The following BAHCC1 variants were observed in gnomAD, a reference collection of about 807,000 sequenced individuals.
BAHCC1 encodes BAH domain and coiled-coil containing 1.
A neutral mutation model predicts 88.2 loss-of-function variants in BAHCC1; 43 were observed. That is an observed-to-expected ratio of 0.49 (90% confidence interval 0.38 to 0.63). The LOEUF is 0.63. Ranked by LOEUF, BAHCC1 falls within the 20% of genes least tolerant of loss-of-function variation. The probability of loss-of-function intolerance (pLI) is 0.00; values close to 1 mark genes in which losing one functional copy is unlikely to be tolerated. For missense variants in BAHCC1, 3,023 were observed against 1,654.8 expected (o/e 1.83, Z -14.34); for synonymous variants, 1,510 against 745.5 (o/e 2.03, Z -16.71).
chr17:81,397,802 C>G (rs2063761790), intron 1 of BAHCC1, among the ~76,000 whole-genome samples: 1 of 152,210 alleles, frequency 6.6e-6, no homozygotes, highest in Non-Finnish European at 1.5e-5. Context: ...GGAAGGGAGC[C>G]CCAAACGCCT....
rs782620463 is a variant in BAHCC1 at position 81,442,704 on chromosome 17, G to A, written c.1355G>A (p.Arg452Gln). ...CTGAAGGCCGAGGGCAAGGGCGAGC[G>A]GCGGCCTGGGGGCTTTGAGGCGGCC... ...AHLKAEGKGERRPGGFEAALN... is the reference protein window; with the variant it reads ...AHLKAEGKGEQRPGGFEAALN... The change falls in exon 5 of 28, where the codon CGG (arginine) becomes CAG (glutamine). Residue 452 changes from arginine to glutamine, a missense_variant. Transcript: ENST00000675386. The A allele has an allele frequency of 3.9e-6, 3 of 774,450 alleles. No homozygotes were observed. The highest frequency in any genetic ancestry group is 3.4e-5 in the Admixed American group (2 of 58,192). The allele number at this position is 774,450 out of a possible 1,614,324, so 48.0% of individuals were successfully genotyped here. A position where few individuals can be genotyped will look rare whatever the true frequency, so the allele number is the denominator to read the frequency against.
intron 11 of BAHCC1, 127 bp from the exon 12 acceptor site, chr17:81,451,541 C>T (rs1445427159): frequency 2.0e-5 from 12 of 609,438 alleles, no homozygotes; most frequent in African/African-American, 1.1e-4. Context: ...TCACTCTTCC[C>T]GGTCTCCTGA....
At chr17:81,452,159 CG>C in intron 13 of BAHCC1, 52 bp downstream of exon 13, 1 of 230,170 alleles carries the variant, frequency 4.3e-6, no homozygotes, top group Non-Finnish European at 8.1e-6. Flanking sequence ...CCCCCACCCC[CG>C]GGAGGCGCCC....
chr17:81,398,615 A>C (rs1002558177), intron 1 of BAHCC1, among the ~76,000 whole-genome samples: 19 of 149,836 alleles, frequency 1.3e-4, no homozygotes, highest in East Asian at 3.9e-4. Context: ...CACCCCCCCC[A>C]CACACACCCC....
At position 81,444,712 on chromosome 17, in the gene BAHCC1, C is replaced by G. The variant is rs782022942; in HGVS notation, c.2557C>G (p.Pro853Ala). ...ALHQNLPPGF[P>A]ASVAGPVPSV... ...GCACCAGAACCTGCCCCCCGGCTTCCCCGCCTCCGTGGCTGGCCCTGTGCC... is the reference window on the plus strand; with the variant it reads ...GCACCAGAACCTGCCCCCCGGCTTCGCCGCCTCCGTGGCTGGCCCTGTGCC... Residue 853 changes from proline to alanine, a missense_variant, in exon 8 of 28, where the codon CCC becomes GCC. Physicochemically the swap from Pro to Ala is conservative, Grantham distance 27. Coordinates refer to ENST00000675386, the MANE Select transcript of BAHCC1 (RefSeq NM_001377448.1). 7.7e-6 allele frequency: 6 copies of G among 777,688 alleles called. No individual in the cohort carries two copies. The highest frequency in any genetic ancestry group is 1.4e-5 in the Non-Finnish European group (6 of 417,660). 48.2% of individuals were successfully genotyped at this position (777,688 alleles called of 1,614,324 possible). A position where few individuals can be genotyped will look rare whatever the true frequency, so the allele number is the denominator to read the frequency against.
At chr17:81,423,263 CGA>C (rs1214252651) in intron 2 of BAHCC1, among the ~76,000 whole-genome samples, 1 of 152,182 alleles carries the variant, frequency 6.6e-6, no homozygotes, top group Non-Finnish European at 1.5e-5. Flanking sequence ...CGTTCGCACA[CGA>C]GAGGGGAAGG....
At chr17:81,417,560 C>A (rs6565567) in intron 2 of BAHCC1, among the ~76,000 whole-genome samples, 55 of 136,698 alleles carry the variant, frequency 4.0e-4, no homozygotes, top group African/African-American at 1.5e-3. Context: ...CGGCCACCCC[C>A]CCCCCGCCCT....
At chr17:81,430,366 G>GA (rs1407153415) in intron 3 of BAHCC1, among the ~76,000 whole-genome samples, 1 of 152,074 alleles carries the variant, frequency 6.6e-6, no homozygotes, top group Non-Finnish European at 1.5e-5. Flanking sequence ...CACCTGGGGG[G>GA]AGCCATGGGG....
At chr17:81,426,366 ATAG>A (rs2064198638) in intron 2 of BAHCC1, among the ~76,000 whole-genome samples, 5 of 126,322 alleles carry the variant, frequency 4.0e-5, no homozygotes, top group East Asian at 2.5e-4. Flanking sequence ...GTTGGGGGTG[ATAG>A]TGGTGGGTGA....
intron 3 of BAHCC1, among the ~76,000 whole-genome samples, chr17:81,431,644 C>T (rs1169820199): frequency 1.3e-5 from 2 of 152,216 alleles, no homozygotes; most frequent in East Asian, 3.9e-4. Context: ...AGGATGACTG[C>T]ACTTCTGTTA....
rs546651393 is a variant in BAHCC1, at chr17:81,453,995, C to T, written c.4445+1144C>T. Among the ~76,000 whole-genome samples, 13 of 152,358 alleles carry T rather than the reference C, an allele frequency of 8.5e-5. No individual in the cohort carries two copies. In the South Asian group the frequency reaches 2.5e-3, roughly 29 times the overall value. On this transcript the variant is annotated intron_variant, in intron 14 of 27. Transcript: ENST00000675386. ...GAGCAGGAAGGTGGAAAGGGACATCCGGCCACGCCAGGCCAGGGCCAGGCA... is the reference window on the plus strand; with the variant it reads ...GAGCAGGAAGGTGGAAAGGGACATCTGGCCACGCCAGGCCAGGGCCAGGCA...
intron 2 of BAHCC1, among the ~76,000 whole-genome samples, chr17:81,409,297 C>T (rs558903753): frequency 2.6e-5 from 4 of 152,330 alleles, no homozygotes; most frequent in Admixed American, 6.5e-5. Flanking sequence ...TGGCAGATGG[C>T]GCTGTCCTCT....
rs1386593977 is a variant in BAHCC1, at chr17:81,411,430, G to A, written c.178+11513G>A. The stretch of plus-strand genomic sequence containing the variant: ...CATTCAAATTGATCAGGGAGGGTGG[G>A]GTTGGGGGGGAACAGGGTCCTTGAG... On this transcript the variant is annotated intron_variant, in intron 2 of 27. Transcript: ENST00000675386. This position sits in a 1 kb window ranked among gnomAD's most constrained non-coding sequence, Gnocchi z 6.2. 8.4e-6 allele frequency: 3 copies of A among 358,736 alleles called. No individual in the cohort carries two copies. The highest frequency in any genetic ancestry group is 4.3e-5 in the African/African-American group (2 of 46,650). 22.2% of individuals were successfully genotyped at this position (358,736 alleles called of 1,614,324 possible).
rs2064457239 is a variant in BAHCC1, at chr17:81,443,217, T to C, written c.1868T>C (p.Leu623Pro). ...LQQAALLPQE[L>P]PAPPDEVSAM... ...CAGGCGGCTCTTCTGCCCCAGGAAC[T>C]GCCTGCGCCGCCGGACGAGGTCTCA... is the stretch of plus-strand genomic sequence containing the variant. The change falls in exon 5 of 28, where the codon CTG becomes CCG. Residue 623 changes from leucine to proline, a missense_variant. Coordinates refer to ENST00000675386, the MANE Select transcript of BAHCC1 (RefSeq NM_001377448.1). 1 of 779,392 alleles carries C rather than the reference T, an allele frequency of 1.3e-6. No individual in the cohort carries two copies. Among genetic ancestry groups the C allele is most frequent in the East Asian group, 2.4e-5 (1 of 41,244 alleles). 48.3% of individuals were successfully genotyped at this position (779,392 alleles called of 1,614,324 possible).
rs142368664 is a variant in BAHCC1, at chr17:81,415,123, G to A, written c.179-11677G>A. ...TGCGCGGGGGGCTGGGGACGGGCCCGGGCGAGGGAGCTGGAGGAGGGCACC... is the reference window on the plus strand; with the variant it reads ...TGCGCGGGGGGCTGGGGACGGGCCCAGGCGAGGGAGCTGGAGGAGGGCACC... On this transcript the variant is annotated intron_variant, in intron 2 of 27. Coordinates refer to ENST00000675386, the MANE Select transcript of BAHCC1 (RefSeq NM_001377448.1). Among the ~76,000 whole-genome samples the A allele has an allele frequency of 4.5e-3, 683 of 152,340 alleles. 4 individuals carry two copies. Among genetic ancestry groups the A allele is most frequent in the African/African-American group, 0.015 (635 of 41,582 alleles).
chr17:81,462,486 T>C, intron 26 of BAHCC1: 1 of 547,850 alleles, frequency 1.8e-6, no homozygotes, highest in South Asian at 2.5e-5. Flanking sequence ...TGTCCACATG[T>C]CCCTGTCCCA....
At position 81,399,786 on chromosome 17, in the gene BAHCC1, G is replaced by A. The variant is rs1380260228; in HGVS notation, c.47G>A (p.Arg16His). 191 of 1,249,000 alleles carry A rather than the reference G, an allele frequency of 1.5e-4. No homozygotes were observed. Among genetic ancestry groups the A allele is most frequent in the Non-Finnish European group, 1.9e-4 (187 of 997,840 alleles). 77.4% of individuals were successfully genotyped at this position (1,249,000 alleles called of 1,614,324 possible). A position where few individuals can be genotyped will look rare whatever the true frequency, so the allele number is the denominator to read the frequency against. ...CCGCCGCCGCATCTGCTGTCGGAGC[G>A]CGGGAGCCTGGGCCACCGCAGCGCC... ...FAPPPHLLSE[R>H]GSLGHRSAAA... is the part of the protein sequence containing the mutation. Residue 16 changes from arginine (R) to histidine (H), a missense_variant, in exon 2 of 28, where the codon CGC becomes CAC. Physicochemically the swap from Arg to His is conservative, Grantham distance 29 (BLOSUM62 0). Coordinates refer to ENST00000675386, the MANE Select transcript of BAHCC1 (RefSeq NM_001377448.1). The surrounding 1 kb of genome is among the most constrained non-coding windows in gnomAD (Gnocchi z 4.5).
intron 14 of BAHCC1, among the ~76,000 whole-genome samples, chr17:81,453,565 G>T (rs1445394831): frequency 2.0e-5 from 3 of 151,566 alleles, no homozygotes; most frequent in African/African-American, 7.3e-5. Flanking sequence ...TGTGGCTGTG[G>T]GCAGTGGAGG....
intron 2 of BAHCC1, chr17:81,407,498 G>A (rs2063896202): frequency 4.4e-6 from 2 of 454,664 alleles, no homozygotes; most frequent in East Asian, 1.2e-4. Context: ...ATGGGTGAGA[G>A]TGAGCAGATC....
Sources: gnomAD v4.1 joint callset for allele counts (sites outside exome capture counted in the v4.1 genomes callset) on GRCh38, gnomAD v4.1.1 for gene constraint, Gnocchi (gnomAD v3.1) non-coding constraint, MANE v1.5 for transcripts, NCBI Gene and HGNC (gene_info 2026-07-23, HGNC 2026-07-21) for gene names.